S100Z: variants seen among roughly 807,000 people sequenced by gnomAD.
S100Z encodes S100 calcium binding protein Z, also known as protein S100-Z.
In S100Z, 11 loss-of-function variants were observed where a neutral mutation model predicts 8.5. That is an observed-to-expected ratio of 1.30 (90% confidence interval 0.82 to 2.15). The LOEUF (loss-of-function observed/expected upper bound fraction) is 2.15. Among genes scored for constraint, S100Z ranks in the 30% most tolerant of loss-of-function variants. The pLI is 0.00. For missense variants in S100Z, 126 were observed against 117.9 expected, an observed-to-expected ratio of 1.07 and a Z score of -0.32; for synonymous variants, 34 against 43.8, an observed-to-expected ratio of 0.78 and a Z score of 0.89.
At chr5:76,911,275 A>C (rs1744647321) in intron 4 of S100Z, among the ~76,000 whole-genome samples, 1 of 152,222 alleles carries the variant, frequency 6.6e-6, no homozygotes, top group Non-Finnish European at 1.5e-5. Context: ...CCCCAATTCT[A>C]GGAGTACAAA....
At chr5:76,916,752 G>A (rs77321055) in intron 4 of S100Z, among the ~76,000 whole-genome samples, 3,260 of 152,166 alleles carry the variant, frequency 0.021, 115 homozygotes, top group African/African-American at 0.073. Flanking sequence ...ATGTAAAGAC[G>A]ATATATCAAA....
At chr5:76,931,984 G>C in the S100Z span, among the ~76,000 whole-genome samples, 2 of 151,964 alleles carry the variant, frequency 1.3e-5, no homozygotes, top group African/African-American at 2.4e-5. Flanking sequence ...TTGACCACTA[G>C]TGCGGATTTT....
chr5:76,868,166 G>A (rs1469564858), intron 1 of S100Z, among the ~76,000 whole-genome samples: 2 of 152,170 alleles, frequency 1.3e-5, no homozygotes, highest in South Asian at 2.1e-4. Flanking sequence ...TCTCCTGGAG[G>A]GCAGGGGCTG....
intron 4 of S100Z, among the ~76,000 whole-genome samples, chr5:76,903,939 C>T (rs1012088901): frequency 6.6e-6 from 1 of 151,658 alleles, no homozygotes; most frequent in Non-Finnish European, 1.5e-5. Context: ...TTAGTAGAGA[C>T]CATGTTAGGC....
rs192118939 is a variant in S100Z at position 76,910,602 on chromosome 5, G to T, written c.*3-10115G>T. 1.9e-3 allele frequency among the ~76,000 whole-genome samples: 285 copies of T among 152,244 alleles called. 1 individual carries two copies. Among genetic ancestry groups the T allele is most frequent in the Non-Finnish European group, 3.4e-3 (231 of 67,998 alleles). The stretch of plus-strand genomic sequence containing the variant: ...CCTCGTTCATGTCCACTATGCTGAG[G>T]CAATCACTGGAAGGTGCACTGCCCC... On this transcript the variant is annotated intron_variant, in intron 4 of 4. Coordinates refer to ENST00000317593, the MANE Select transcript of S100Z (RefSeq NM_130772.4).
At chr5:76,947,698 GA>G in the S100Z span, among the ~76,000 whole-genome samples, 1 of 152,162 alleles carries the variant, frequency 6.6e-6, no homozygotes. Context: ...CAGAGAGCCA[GA>G]AATAAATCCA....
intron 4 of S100Z, among the ~76,000 whole-genome samples, chr5:76,899,250 T>A (rs1347945801): frequency 6.6e-6 from 1 of 152,184 alleles, no homozygotes; most frequent in East Asian, 1.9e-4. Flanking sequence ...AGGTGAATTG[T>A]GTTTCTTGTA....
intron 1 of S100Z, among the ~76,000 whole-genome samples, chr5:76,856,072 A>T (rs1453577834): frequency 6.6e-6 from 1 of 152,160 alleles, no homozygotes; most frequent in Non-Finnish European, 1.5e-5. Context: ...CTCCGGCCAC[A>T]TAAGATGTGT....
intron 1 of S100Z, among the ~76,000 whole-genome samples, chr5:76,853,363 T>C (rs1750786053): frequency 6.6e-6 from 1 of 152,178 alleles, no homozygotes; most frequent in South Asian, 2.1e-4. Context: ...CTTGATAGCA[T>C]TGACAAAACA....
At chr5:76,899,165 C>T (rs1457488727) in intron 4 of S100Z, among the ~76,000 whole-genome samples, 1 of 151,936 alleles carries the variant, frequency 6.6e-6, no homozygotes, top group Non-Finnish European at 1.5e-5. Flanking sequence ...AACTCCTCAC[C>T]TCAAGTGATC....
chr5:76,931,719 G>A, the S100Z span, among the ~76,000 whole-genome samples: 2 of 152,186 alleles, frequency 1.3e-5, no homozygotes, highest in African/African-American at 4.8e-5. Context: ...GACTGTGGGA[G>A]TCTAATACCC....
chr5:76,942,433 C>CAAAAAAAAAAAA, the S100Z span, among the ~76,000 whole-genome samples: 2,433 of 108,774 alleles, frequency 0.022, 16 homozygotes, highest in Non-Finnish European at 0.033. Flanking sequence ...TTATATTGGC[C>CAAAAAAAAAAAA]AAAAAAAAAA....
intron 1 of S100Z, among the ~76,000 whole-genome samples, chr5:76,864,938 A>G (rs894812503): frequency 6.7e-6 from 1 of 148,702 alleles, no homozygotes; most frequent in African/African-American, 2.5e-5. Context: ...CAAACTCCTG[A>G]CCTCATGATC....
intron 4 of S100Z, among the ~76,000 whole-genome samples, chr5:76,915,304 C>CAAAA (rs60682268): frequency 9.6e-6 from 1 of 103,628 alleles, no homozygotes; most frequent in Non-Finnish European, 1.8e-5. Flanking sequence ...GACTCCATCT[C>CAAAA]AAAAAAAAAA....
intron 4 of S100Z, among the ~76,000 whole-genome samples, chr5:76,918,412 G>T (rs926651399): frequency 6.6e-6 from 1 of 152,156 alleles, no homozygotes; most frequent in African/African-American, 2.4e-5. Flanking sequence ...TTGCCATGTT[G>T]TTCATGCTGG....
intron 3 of S100Z, among the ~76,000 whole-genome samples, chr5:76,876,387 GAGATGGAGT>G (rs1743194568): frequency 6.7e-6 from 1 of 148,172 alleles, no homozygotes; most frequent in African/African-American, 2.5e-5. Context: ...TTTTTTTTCG[GAGATGGAGT>G]CTTGCTGTGT....
intron 4 of S100Z, among the ~76,000 whole-genome samples, chr5:76,907,571 G>A (rs1237799639): frequency 6.6e-6 from 1 of 152,160 alleles, no homozygotes; most frequent in Admixed American, 6.5e-5. Flanking sequence ...CCAAAGTGCT[G>A]GGATTACAGG....
intron 4 of S100Z, among the ~76,000 whole-genome samples, chr5:76,918,865 G>A (rs947145891): frequency 6.6e-6 from 1 of 152,096 alleles, no homozygotes; most frequent in South Asian, 2.1e-4. Context: ...CCTCCCACTT[G>A]TCCCTGGCAA....
At chr5:76,928,641 A>G in the S100Z span, among the ~76,000 whole-genome samples, 1 of 152,214 alleles carries the variant, frequency 6.6e-6, no homozygotes, top group African/African-American at 2.4e-5. Context: ...TCAGTAAAAA[A>G]CAGAAGGTCT....
Sources: gnomAD v4.1 joint callset for allele counts (sites outside exome capture counted in the v4.1 genomes callset) on GRCh38, gnomAD v4.1.1 for gene constraint, MANE v1.5 for transcripts, NCBI Gene and HGNC (gene_info 2026-07-23, HGNC 2026-07-21) for gene names.